ATP5MJ: variants seen among roughly 807,000 people sequenced by gnomAD.
ATP5MJ encodes the protein ATP synthase membrane subunit j.
A neutral mutation model predicts 8.3 loss-of-function variants in ATP5MJ; 4 were observed. The observed-to-expected ratio is 0.48, with a 90% CI of 0.24 to 1.11. The LOEUF is 1.11. Ranked by LOEUF, ATP5MJ falls within the 50% of genes least tolerant of loss-of-function variation. The pLI is 0.18. For missense variants in ATP5MJ, 66 were observed against 71.8 expected (o/e 0.92, Z 0.29); for synonymous variants, 23 against 21.3 (o/e 1.08, Z -0.23).
chr14:103,919,612 G>A (rs1039948897), intron 1 of ATP5MJ, among the ~76,000 whole-genome samples: 39 of 152,140 alleles, frequency 2.6e-4, no homozygotes, highest in African/African-American at 6.7e-4. Context: ...CAATGACTAC[G>A]GTAAGAAGGG....
intron 1 of ATP5MJ, among the ~76,000 whole-genome samples, chr14:103,920,630 C>T (rs1347155101): frequency 6.6e-6 from 1 of 150,872 alleles, no homozygotes; most frequent in Non-Finnish European, 1.5e-5. Flanking sequence ...TGCCACCACA[C>T]CCAGCTAATT....
chr14:103,918,599 T>G (rs1021057881), intron 1 of ATP5MJ, among the ~76,000 whole-genome samples: 2 of 151,880 alleles, frequency 1.3e-5, no homozygotes, highest in Non-Finnish European at 2.9e-5. Context: ...TGACCTTGTG[T>G]TCTGCCCGCC....
At position 103,914,111 on chromosome 14, in the gene ATP5MJ, G is replaced by T. The variant is rs2087603762; in HGVS notation, c.125-127C>A. 4 of 814,566 alleles carry T rather than the reference G, an allele frequency of 4.9e-6. No homozygotes were observed. The South Asian group carries it at 7.5e-5, about 15-fold the overall frequency. 50.5% of individuals were successfully genotyped at this position (814,566 alleles called of 1,614,324 possible). A position where few individuals can be genotyped will look rare whatever the true frequency, so the allele number is the denominator to read the frequency against. ...GCAATTCAGGAAGCTTTCAGAAAAT[G>T]TCTTATAGCCAAGAAATGGTAAAAT... On this transcript the variant is annotated intron_variant, in intron 2 of 3. Transcript: ENST00000286953.
chr14:103,917,391 T>C (rs2087633719), intron 1 of ATP5MJ, among the ~76,000 whole-genome samples: 1 of 137,476 alleles, frequency 7.3e-6, no homozygotes, highest in African/African-American at 2.5e-5. Flanking sequence ...GGCCATGTCA[T>C]TTAAGGGCCT....
At chr14:103,913,860 A>G in intron 3 of ATP5MJ, 101 bp downstream of exon 3, 1 of 1,374,066 alleles carries the variant, frequency 7.3e-7, no homozygotes, top group Non-Finnish European at 1.0e-6. Context: ...ATATATACTG[A>G]ACTGTGTTTC....
chr14:103,913,978 C>A lies in ATP5MJ; in HGVS notation c.131G>T (p.Arg44Ile). The change falls in exon 3 of 4, where the codon AGA becomes ATA. Residue 44 changes from arginine (R) to isoleucine (I), a missense_variant. Coordinates refer to ENST00000286953, the MANE Select transcript of ATP5MJ (RefSeq NM_004894.3). Reference protein sequence around the residue: ...IVYKIRAADKRSKALKASAPA... With the variant: ...IVYKIRAADKISKALKASAPA... The stretch of plus-strand genomic sequence containing the variant: ...AATCTTACCTTTCAAAGCCTTACTT[C>A]TTTTATCTAAAATAAAAGGAAGGAA... 3.1e-6 allele frequency: 5 copies of A among 1,608,302 alleles called. No individual in the cohort carries two copies. Among genetic ancestry groups the A allele is most frequent in the Non-Finnish European group, 4.2e-6 (5 of 1,177,936 alleles).
intron 3 of ATP5MJ, chr14:103,913,565 C>G: frequency 3.5e-6 from 1 of 288,052 alleles, no homozygotes; most frequent in Non-Finnish European, 6.4e-6. Flanking sequence ...GAGCTGAGAT[C>G]GCAGCACTGC....
chr14:103,919,383 TA>T lies in ATP5MJ; in HGVS notation c.-1+2086del, dbSNP rs34078178. ...GCAACAAGACACTCCCCCTTTATCT[TA>T]AAAAAAAAAAAAAAAAAAGAATTCA... On this transcript the variant is annotated intron_variant, in intron 1 of 3. Coordinates refer to ENST00000286953, the MANE Select transcript of ATP5MJ (RefSeq NM_004894.3). Among the ~76,000 whole-genome samples, 401 of 130,194 alleles carry T rather than the reference TA, an allele frequency of 3.1e-3. 1 individual carries two copies. The highest frequency in any genetic ancestry group is 5.4e-3 in the South Asian group (21 of 3,858). 85.4% of individuals were successfully genotyped at this position (130,194 alleles called of 152,430 possible).
At chr14:103,921,318 C>A in intron 1 of ATP5MJ, 152 bp downstream of exon 1, 1 of 311,910 alleles carries the variant, frequency 3.2e-6, no homozygotes, top group Non-Finnish European at 6.1e-6. Context: ...CCTGGCCTAC[C>A]TCCCTTCAGA....
intron 2 of ATP5MJ, 47 bp downstream of exon 2, chr14:103,915,019 A>G: frequency 1.2e-6 from 2 of 1,611,216 alleles, no homozygotes; most frequent in South Asian, 1.1e-5. Flanking sequence ...CTTTTTGAAA[A>G]TAATTTTCTT....
At chr14:103,915,316 TG>T (rs2087616523) in intron 1 of ATP5MJ, 127 bp from the exon 2 acceptor site, 1 of 1,051,302 alleles carries the variant, frequency 9.5e-7, no homozygotes. Context: ...CTGTGTCAGA[TG>T]TCAGACCCGT....
At chr14:103,914,936 G>A (rs1015650574) in intron 2 of ATP5MJ, 130 bp downstream of exon 2, 139 of 1,168,040 alleles carry the variant, frequency 1.2e-4, no homozygotes, top group Admixed American at 2.3e-4. Flanking sequence ...TATTTTTTAC[G>A]AAGGACTGTA....
intron 1 of ATP5MJ, chr14:103,920,937 T>TA: frequency 6.5e-7 from 1 of 1,548,804 alleles, no homozygotes; most frequent in Non-Finnish European, 8.7e-7. Flanking sequence ...GGCGAACTAT[T>TA]ACCTGACACT....
At position 103,914,873 on chromosome 14, in the gene ATP5MJ, A is replaced by G. The variant is rs542742690; in HGVS notation, c.124+193T>C. The G allele has an allele frequency of 4.0e-4, 244 of 608,708 alleles. 2 individuals are homozygous for G. The African/African-American group carries it at 4.1e-3, about 10-fold the overall frequency. 37.7% of individuals were successfully genotyped at this position (608,708 alleles called of 1,614,324 possible). A position where few individuals can be genotyped will look rare whatever the true frequency, so the allele number is the denominator to read the frequency against. On this transcript the variant is annotated intron_variant, in intron 2 of 3. Transcript: ENST00000286953. ...AAAAAAAAAAGAAAAGAAAAGAAAA[A>G]AAAAATTCCCCACTGTCCCCAAATG...
In ATP5MJ at chr14:103,912,588, G is replaced by A. The variant is rs2087588888; in HGVS notation, c.*78C>T. On this transcript the variant is annotated 3_prime_UTR_variant, in exon 4 of 4. Transcript: ENST00000286953. The stretch of plus-strand genomic sequence containing the variant: ...ATACAAGTGTACAGTGACGTTCCAC[G>A]CTCCCCATCTAACACGGCTTGCTGA... The A allele has an allele frequency of 2.8e-6, 4 of 1,431,758 alleles. No individual in the cohort carries two copies. The highest frequency in any genetic ancestry group is 3.9e-6 in the Non-Finnish European group (4 of 1,018,574). The allele number at this position is 1,431,758 out of a possible 1,614,324, so 88.7% of individuals were successfully genotyped here. A position where few individuals can be genotyped will look rare whatever the true frequency, so the allele number is the denominator to read the frequency against.
In ATP5MJ at chr14:103,914,853, A is replaced by AAAAAG. The variant is rs145304838; in HGVS notation, c.124+208_124+212dup. On this transcript the variant is annotated intron_variant, in intron 2 of 3. Transcript: ENST00000286953. ...GACTGTCTCCAAAAAAAAAAAAAAA[A>AAAAAG]AAAAGAAAAGAAAAGAAAAAAAAAA... 12 of 450,776 alleles carry AAAAAG rather than the reference A, an allele frequency of 2.7e-5. No homozygotes were observed. The Admixed American group carries it at 3.4e-4, about 13-fold the overall frequency. The allele number at this position is 450,776 out of a possible 1,614,324, so 27.9% of individuals were successfully genotyped here.
chr14:103,918,706 A>C (rs1041211696), intron 1 of ATP5MJ, among the ~76,000 whole-genome samples: 7 of 152,214 alleles, frequency 4.6e-5, no homozygotes, highest in Middle Eastern at 3.4e-3. Flanking sequence ...ACCTGCCCCC[A>C]GAGGGCTGTC....
intron 3 of ATP5MJ, 42 bp downstream of exon 3, chr14:103,913,919 C>T: frequency 1.3e-6 from 2 of 1,597,288 alleles, no homozygotes; most frequent in Non-Finnish European, 1.7e-6. Flanking sequence ...AGACATGATG[C>T]TGTTTTCCAT....
At chr14:103,916,860 G>A (rs1444225530) in intron 1 of ATP5MJ, among the ~76,000 whole-genome samples, 3 of 152,198 alleles carry the variant, frequency 2.0e-5, no homozygotes, top group South Asian at 2.1e-4. Context: ...CAAAGAATCC[G>A]AATGCTCGGC....
Sources: gnomAD v4.1 joint callset for allele counts (sites outside exome capture counted in the v4.1 genomes callset) on GRCh38, gnomAD v4.1.1 for gene constraint, MANE v1.5 for transcripts, NCBI Gene and HGNC (gene_info 2026-07-23, HGNC 2026-07-21) for gene names.